TRIM23: variants seen among roughly 807,000 people sequenced by gnomAD.
TRIM23 encodes the protein tripartite motif containing 23.
Under a neutral mutation model 71.0 loss-of-function variants are expected in TRIM23, and 27 were observed. That is an observed-to-expected ratio of 0.38 (90% CI 0.28 to 0.52). TRIM23 has a LOEUF of 0.52. TRIM23 is among the 20% of genes least tolerant of loss of function. The pLI is 0.84. For synonymous variants in TRIM23, 234 were observed against 238.0 expected, an observed-to-expected ratio of 0.98 and a Z score of 0.16; for missense variants, 482 against 692.3, an observed-to-expected ratio of 0.70 and a Z score of 3.41.
At chr5:65,595,079 G>A (rs974385911) in intron 9 of TRIM23, among the ~76,000 whole-genome samples, 2 of 152,044 alleles carry the variant, frequency 1.3e-5, no homozygotes, top group African/African-American at 4.8e-5. Flanking sequence ...TTATGTCTAA[G>A]TTAACTATCT....
At chr5:65,607,029 C>T (rs1754527162) in intron 6 of TRIM23, 1 of 152,170 alleles carries the variant, frequency 6.6e-6, no homozygotes, top group African/African-American at 2.4e-5. Flanking sequence ...AAATATTCAG[C>T]ATCCAGTATC....
Position 65,590,805 on chromosome 5 carries a change from TAA to T in TRIM23, c.*962_*963del. On this transcript the variant is annotated 3_prime_UTR_variant, in exon 11 of 11. Transcript: ENST00000231524. ...TTGGGAAACAGTTTGAAGTAAGTAA[TAA>T]GCATTTGCCACTGTACTTACAACTT... 3.0e-6 allele frequency: 3 copies of T among 985,490 alleles called. No homozygotes were observed. The highest frequency in any genetic ancestry group is 3.6e-6 in the Non-Finnish European group (3 of 829,996). 61.0% of individuals were successfully genotyped at this position (985,490 alleles called of 1,614,324 possible). A position where few individuals can be genotyped will look rare whatever the true frequency, so the allele number is the denominator to read the frequency against.
chr5:65,612,085 C>A (rs150272579), intron 3 of TRIM23, among the ~76,000 whole-genome samples: 1,642 of 152,300 alleles, frequency 0.011, 18 homozygotes, highest in Non-Finnish European at 0.015. Context: ...CCAAGATTAA[C>A]TGGCCAATAT....
intron 1 of TRIM23, among the ~76,000 whole-genome samples, chr5:65,620,458 A>G (rs1299749125): frequency 6.6e-6 from 1 of 152,222 alleles, no homozygotes; most frequent in Non-Finnish European, 1.5e-5. Flanking sequence ...TAATACTATA[A>G]AACTATATAG....
intron 7 of TRIM23, among the ~76,000 whole-genome samples, chr5:65,598,517 T>G (rs1349379130): frequency 6.6e-6 from 1 of 151,884 alleles, no homozygotes; most frequent in African/African-American, 2.4e-5. Flanking sequence ...GAGGCCGAGG[T>G]TGGGGGTGGA....
In TRIM23 at chr5:65,591,947, T is replaced by A; in HGVS notation, c.1547A>T (p.Asp516Val). 6.2e-7 allele frequency: 1 copy of A among 1,613,246 alleles called. No individual in the cohort carries two copies. The highest frequency in any genetic ancestry group is 8.5e-7 in the Non-Finnish European group (1 of 1,179,500). ...ALLLIFANKQ[D>V]VAGALSVEEI... ...TTCTACTGACAGTGCTCCAGCAACA[T>A]CCTGAAAGATATATACACATATTTT... Residue 516 changes from aspartate to valine, a missense_variant and splice_region_variant, in exon 11 of 11, where the codon GAT (aspartate) becomes GTT (valine). Physicochemically the swap from Asp to Val is radical, Grantham distance 152. This residue lies in a region of TRIM23 where 307 missense variants were observed against 495.8 expected (regional missense o/e 0.62). Coordinates refer to ENST00000231524, the MANE Select transcript of TRIM23 (RefSeq NM_001656.4).
chr5:65,599,463 C>G (rs1216511795), intron 7 of TRIM23, among the ~76,000 whole-genome samples: 1 of 152,180 alleles, frequency 6.6e-6, no homozygotes. Flanking sequence ...GCAAAAGCAA[C>G]TGCGGCTTTT....
chr5:65,609,853 C>T (rs1176897389), intron 5 of TRIM23, among the ~76,000 whole-genome samples: 1 of 152,202 alleles, frequency 6.6e-6, no homozygotes, highest in Non-Finnish European at 1.5e-5. Context: ...GCCTAATCTC[C>T]AGTCTCCCCT....
chr5:65,619,380 A>G (rs1754860712), intron 1 of TRIM23, among the ~76,000 whole-genome samples: 1 of 152,206 alleles, frequency 6.6e-6, no homozygotes, highest in Non-Finnish European at 1.5e-5. Flanking sequence ...GGACCAAAGA[A>G]CCCTCAGGAA....
intron 1 of TRIM23, among the ~76,000 whole-genome samples, chr5:65,623,707 TAC>T (rs34083622): frequency 0.035 from 5,255 of 152,232 alleles, 148 homozygotes; most frequent in Middle Eastern, 0.092. Context: ...GAGCGAAAAG[TAC>T]AGACTTTAAA....
At chr5:65,619,396 T>C (rs1393856105) in intron 1 of TRIM23, among the ~76,000 whole-genome samples, 1 of 152,210 alleles carries the variant, frequency 6.6e-6, no homozygotes, top group Non-Finnish European at 1.5e-5. Flanking sequence ...AGGAACTGGG[T>C]ATTTTAAATA....
chr5:65,610,762 A>C, intron 5 of TRIM23, 99 bp downstream of exon 5: 1 of 1,033,192 alleles, frequency 9.7e-7, no homozygotes, highest in Non-Finnish European at 1.4e-6. Flanking sequence ...GATTGGTGCA[A>C]TACTGGCAAA....
rs1212296836 is a variant in TRIM23, at chr5:65,609,395, T to C, written c.892A>G (p.Thr298Ala). The change falls in exon 6 of 11, where the codon ACT becomes GCT. Residue 298 changes from threonine (T) to alanine (A), a missense_variant. Transcript: ENST00000231524. ...GCCATTTCTTCTTGACGACACAGAGTTTCATGTAGATCATAAAAATAAGCT... is the reference window on the plus strand; with the variant it reads ...GCCATTTCTTCTTGACGACACAGAGCTTCATGTAGATCATAAAAATAAGCT... The part of the protein sequence containing the change: ...IRAYFYDLHE[T>A]LCRQEEMALS... 2 of 1,613,946 alleles carry C rather than the reference T, an allele frequency of 1.2e-6. No individual in the cohort carries two copies. The highest frequency in any genetic ancestry group is 2.7e-5 in the African/African-American group (2 of 74,894).
chr5:65,622,281 T>G (rs1754967218), intron 1 of TRIM23, among the ~76,000 whole-genome samples: 1 of 152,190 alleles, frequency 6.6e-6, no homozygotes, highest in African/African-American at 2.4e-5. Context: ...TTCTCCTACC[T>G]CAGCCTCCTG....
intron 9 of TRIM23, 71 bp downstream of exon 9, chr5:65,596,350 T>C (rs1581175519): frequency 9.6e-7 from 1 of 1,038,932 alleles, no homozygotes; most frequent in Non-Finnish European, 1.5e-6. Context: ...TCAGCTTTGC[T>C]AGTTAAATCA....
intron 6 of TRIM23, among the ~76,000 whole-genome samples, chr5:65,605,736 T>C (rs760108933): frequency 3.9e-5 from 6 of 152,222 alleles, no homozygotes; most frequent in African/African-American, 7.2e-5. Context: ...CAACATAGTC[T>C]TTATATGAAA....
intron 7 of TRIM23, among the ~76,000 whole-genome samples, chr5:65,604,055 G>A (rs541121777): frequency 6.6e-6 from 1 of 151,980 alleles, no homozygotes; most frequent in Non-Finnish European, 1.5e-5. Context: ...AGCCTCCTGA[G>A]TAACTGGGAC....
intron 1 of TRIM23, among the ~76,000 whole-genome samples, chr5:65,619,967 C>T (rs529986093): frequency 6.6e-6 from 1 of 151,970 alleles, no homozygotes; most frequent in African/African-American, 2.4e-5. Flanking sequence ...GCCTGTAAGC[C>T]CAGTTTACTC....
At chr5:65,613,578 T>C in intron 3 of TRIM23, 2 of 524,788 alleles carry the variant, frequency 3.8e-6, no homozygotes, top group Non-Finnish European at 5.0e-6. Flanking sequence ...TCATGGATTC[T>C]GATATTTACT....
Sources: gnomAD v4.1 joint callset for allele counts (sites outside exome capture counted in the v4.1 genomes callset) on GRCh38, gnomAD v4.1.1 for gene constraint, gnomAD v4.1.1 regional missense constraint, MANE v1.5 for transcripts, NCBI Gene and HGNC (gene_info 2026-07-23, HGNC 2026-07-21) for gene names.